Variants in TRIM24 observed in about 807,000 individuals in gnomAD.
The protein encoded by TRIM24 is tripartite motif containing 24.
Under a neutral mutation model 123.9 loss-of-function variants are expected in TRIM24, and 29 were observed. The ratio of observed to expected loss-of-function variants is 0.23; its 90% CI spans 0.17 to 0.32. TRIM24 has a LOEUF of 0.32. Among genes scored for constraint, TRIM24 ranks in the 10% least tolerant of loss-of-function variants. The pLI is 1.00. For synonymous variants in TRIM24, 456 were observed against 461.1 expected (o/e 0.99, Z 0.14); for missense variants, 932 against 1,295.3 (o/e 0.72, Z 4.31).
At chr7:138,578,563 T>TGCGCGCGC (rs1554445378) in intron 14 of TRIM24, among the ~76,000 whole-genome samples, 60 of 145,088 alleles carry the variant, frequency 4.1e-4, no homozygotes, top group East Asian at 3.2e-3. Flanking sequence ...TGTGTGTGTG[T>TGCGCGCGC]GCGCGCACGC....
chr7:138,495,400 T>C (rs544885540), intron 1 of TRIM24, among the ~76,000 whole-genome samples: 1 of 152,308 alleles, frequency 6.6e-6, no homozygotes, highest in East Asian at 1.9e-4. Context: ...TCTTAGTCTT[T>C]AAGAATATTT....
At chr7:138,539,868 T>C (rs1796968699) in intron 7 of TRIM24, among the ~76,000 whole-genome samples, 1 of 150,416 alleles carries the variant, frequency 6.6e-6, no homozygotes, top group Non-Finnish European at 1.5e-5. Context: ...TGGCGTGATC[T>C]CCACTCACTG....
chr7:138,467,971 T>G (rs1310079402), intron 1 of TRIM24, among the ~76,000 whole-genome samples: 1 of 152,164 alleles, frequency 6.6e-6, no homozygotes, highest in Non-Finnish European at 1.5e-5. Context: ...ACTTCTTGCT[T>G]TCTATTCTTA....
Position 138,538,705 on chromosome 7 carries a change from G to A in TRIM24, c.1045G>A (p.Val349Met), listed in dbSNP as rs1796942682. ...GAAACTTATGCAACAACAACAGGAAGTGGCTGGACTCTCTAAACAATTGGA... is the reference window on the plus strand; with the variant it reads ...GAAACTTATGCAACAACAACAGGAAATGGCTGGACTCTCTAAACAATTGGA... The part of the protein sequence containing the change: ...RMKLMQQQQE[V>M]AGLSKQLEHV... The change falls in exon 7 of 19, where the codon GTG becomes ATG. Residue 349 changes from valine to methionine, a missense_variant. Physicochemically the swap from Val to Met is conservative, Grantham distance 21 (BLOSUM62 1). This residue lies in a region of TRIM24 where 527 missense variants were observed against 691.3 expected (regional missense o/e 0.76). Coordinates refer to ENST00000343526, the MANE Select transcript of TRIM24 (RefSeq NM_015905.3). The A allele has an allele frequency of 1.2e-6, 2 of 1,614,168 alleles. No homozygotes were observed. Among genetic ancestry groups the A allele is most frequent in the Non-Finnish European group, 1.7e-6 (2 of 1,180,010 alleles).
At chr7:138,518,612 A>G (rs183927668) in intron 3 of TRIM24, among the ~76,000 whole-genome samples, 251 of 152,228 alleles carry the variant, frequency 1.6e-3, no homozygotes, top group African/African-American at 5.6e-3. Context: ...TACTCCTTTT[A>G]GGCATTTTTA....
At position 138,554,759 on chromosome 7, in the gene TRIM24, G is replaced by T. The variant is rs1395293495; in HGVS notation, c.1323G>T (p.Val441=). The T allele has an allele frequency of 1.2e-6, 2 of 1,613,990 alleles. No homozygotes were observed. The highest frequency in any genetic ancestry group is 2.7e-5 in the African/African-American group (2 of 74,916). ...QPQMPKQNPV[V]EQNSQPPSGL... is the part of the protein sequence containing the mutation. ...AAATGCCTAAGCAGAATCCTGTCGT[G>T]GAACAGAATTCACAGCCACCAAGTG... The change falls in exon 9 of 19, where the codon GTG becomes GTT. Residue 441 remains valine, a synonymous_variant. Transcript: ENST00000343526. The surrounding 1 kb of genome is among the most constrained non-coding windows in gnomAD (Gnocchi z 4.5).
chr7:138,492,648 T>TGG (rs1413735237), intron 1 of TRIM24, among the ~76,000 whole-genome samples: 1 of 152,162 alleles, frequency 6.6e-6, no homozygotes, highest in African/African-American at 2.4e-5. Context: ...CAGAATAGTT[T>TGG]GGGGAAAGTC....
chr7:138,510,025 C>T (rs758571414), intron 2 of TRIM24, among the ~76,000 whole-genome samples: 6 of 152,106 alleles, frequency 3.9e-5, no homozygotes, highest in Non-Finnish European at 7.4e-5. Flanking sequence ...AAAGCTGGTT[C>T]TACAGATATT....
At chr7:138,495,485 T>C (rs1795884162) in intron 1 of TRIM24, among the ~76,000 whole-genome samples, 1 of 152,130 alleles carries the variant, frequency 6.6e-6, no homozygotes. Context: ...TGACTTACAT[T>C]GTAGCTGACA....
At chr7:138,581,522 G>A (rs1428749020) in intron 16 of TRIM24, among the ~76,000 whole-genome samples, 175 bp from the exon 17 acceptor site, 1 of 152,180 alleles carries the variant, frequency 6.6e-6, no homozygotes, top group East Asian at 1.9e-4. Flanking sequence ...TACAGGGCCT[G>A]TTCCCAAATA....
At chr7:138,477,633 C>T (rs1284815261) in intron 1 of TRIM24, among the ~76,000 whole-genome samples, 1 of 152,032 alleles carries the variant, frequency 6.6e-6, no homozygotes, top group Non-Finnish European at 1.5e-5. Flanking sequence ...ATTGTAAGCA[C>T]AAAAAAACTT....
rs767064581 is a variant in TRIM24 at position 138,481,150 on chromosome 7, G to A, written c.364+20238G>A. Among the ~76,000 whole-genome samples, 31 of 152,108 alleles carry A rather than the reference G, an allele frequency of 2.0e-4. No homozygotes were observed. In the East Asian group the frequency reaches 2.7e-3, roughly 13 times the overall value. Reference sequence around the variant, plus strand: ...AGGGATTACAGGCATGCGCCACTACGCCCGGCTAATTTTGTATTTTTAGTA... The same window carrying A: ...AGGGATTACAGGCATGCGCCACTACACCCGGCTAATTTTGTATTTTTAGTA... On this transcript the variant is annotated intron_variant, in intron 1 of 18. Coordinates refer to ENST00000343526, the MANE Select transcript of TRIM24 (RefSeq NM_015905.3).
chr7:138,486,169 C>T (rs1217209154), intron 1 of TRIM24, among the ~76,000 whole-genome samples: 1 of 152,166 alleles, frequency 6.6e-6, no homozygotes, highest in Non-Finnish European at 1.5e-5. Flanking sequence ...ATTCTTTGCC[C>T]ACTTTTTGAT....
chr7:138,523,355 A>G (rs540158757), intron 4 of TRIM24, among the ~76,000 whole-genome samples: 4 of 152,380 alleles, frequency 2.6e-5, no homozygotes, highest in Admixed American at 2.0e-4. Context: ...AATACAATAG[A>G]AAGTCAGAAT....
At chr7:138,469,553 C>T (rs547806944) in intron 1 of TRIM24, among the ~76,000 whole-genome samples, 2 of 152,158 alleles carry the variant, frequency 1.3e-5, no homozygotes, top group Admixed American at 6.5e-5. Flanking sequence ...CCACCTGCCT[C>T]AGCCTCCCAA....
chr7:138,472,319 C>T (rs1795290088), intron 1 of TRIM24, among the ~76,000 whole-genome samples: 1 of 151,164 alleles, frequency 6.6e-6, no homozygotes, highest in Admixed American at 6.6e-5. Flanking sequence ...GGTGAGGCTT[C>T]TGAGAAAGCA....
At chr7:138,557,764 A>T (rs957063078) in intron 9 of TRIM24, among the ~76,000 whole-genome samples, 2 of 152,186 alleles carry the variant, frequency 1.3e-5, no homozygotes, top group African/African-American at 2.4e-5. Context: ...ATTTTGAGAA[A>T]TAGCATTTCT....
At chr7:138,487,366 C>T (rs1221376541) in intron 1 of TRIM24, among the ~76,000 whole-genome samples, 1 of 152,152 alleles carries the variant, frequency 6.6e-6, no homozygotes, top group African/African-American at 2.4e-5. Flanking sequence ...CCAGAACTTC[C>T]AACACTATGT....
At chr7:138,542,604 C>A (rs1418205979) in intron 7 of TRIM24, among the ~76,000 whole-genome samples, 3 of 152,130 alleles carry the variant, frequency 2.0e-5, no homozygotes, top group Non-Finnish European at 2.9e-5. Flanking sequence ...TTGTCACAAA[C>A]CTTAAATTTG....
Sources: gnomAD v4.1 joint callset for allele counts (sites outside exome capture counted in the v4.1 genomes callset) on GRCh38, gnomAD v4.1.1 for gene constraint, gnomAD v4.1.1 regional missense constraint, Gnocchi (gnomAD v3.1) non-coding constraint, MANE v1.5 for transcripts, NCBI Gene and HGNC (gene_info 2026-07-23, HGNC 2026-07-21) for gene names.